Variants in DUSP7 observed in about 807,000 individuals in gnomAD.
DUSP7 encodes dual specificity protein phosphatase 7.
Under a neutral mutation model 29.8 loss-of-function variants are expected in DUSP7, and 7 were observed. The observed-to-expected ratio is 0.24, with a 90% CI of 0.13 to 0.44. The LOEUF (loss-of-function observed/expected upper bound fraction) is 0.44. DUSP7 is among the 20% of genes least tolerant of loss of function. DUSP7 has a pLI of 1.00. For missense variants in DUSP7, 400 were observed against 583.7 expected, an observed-to-expected ratio of 0.69 and a Z score of 3.24; for synonymous variants, 287 against 275.4, an observed-to-expected ratio of 1.04 and a Z score of -0.42.
Position 52,051,249 on chromosome 3 carries a change from AC to A in DUSP7, c.953-128del. 1 of 1,111,052 alleles carries A rather than the reference AC, an allele frequency of 9.0e-7. No individual in the cohort carries two copies. Among genetic ancestry groups the A allele is most frequent in the Non-Finnish European group, 1.3e-6 (1 of 795,170 alleles). 68.8% of individuals were successfully genotyped at this position (1,111,052 alleles called of 1,614,324 possible). ...GCTGGTCTTGCCCGACCCCTGAGGGACCTGGCCAAGCCCAGTGTGGGTAGGG... is the reference window on the plus strand; with the variant it reads ...GCTGGTCTTGCCCGACCCCTGAGGGACTGGCCAAGCCCAGTGTGGGTAGGG... On this transcript the variant is annotated intron_variant, in intron 2 of 2. Coordinates refer to ENST00000495880, the MANE Select transcript of DUSP7 (RefSeq NM_001947.4). The surrounding 1 kb of genome is among the most constrained non-coding windows in gnomAD (Gnocchi z 4.8).
rs759054781 is a variant in DUSP7, at chr3:52,054,025, G to A, written c.867C>T (p.Gly289=). The A allele has an allele frequency of 5.9e-5, 95 of 1,614,102 alleles. No individual in the cohort carries two copies. Among genetic ancestry groups the A allele is most frequent in the South Asian group, 2.6e-4 (24 of 91,096 alleles). The change falls in exon 2 of 3, where the codon GGC becomes GGT. Residue 289 remains glycine, a synonymous_variant. Coordinates refer to ENST00000495880, the MANE Select transcript of DUSP7 (RefSeq NM_001947.4). The surrounding 1 kb of genome is among the most constrained non-coding windows in gnomAD (Gnocchi z 4.1). ...TGGGGATCTGCTTGTAGGTGAACTC[G>A]CCGCCGTGCTCGAAGGCGTTGGGTA... ...PNLPNAFEHG[G]EFTYKQIPIS...
chr3:52,050,669 C>A lies in DUSP7; in HGVS notation c.*146G>T. ...CCCTGCCCCCAAGGATGGTGAGGGG[C>A]GCTCCGACACCGATCAGCCTGGGCC... On this transcript the variant is annotated 3_prime_UTR_variant, in exon 3 of 3. Transcript: ENST00000495880. The surrounding 1 kb of genome is among the most constrained non-coding windows in gnomAD (Gnocchi z 5.0). 1.1e-6 allele frequency: 1 copy of A among 949,730 alleles called. No individual in the cohort carries two copies. The highest frequency in any genetic ancestry group is 1.5e-6 in the Non-Finnish European group (1 of 655,688). 58.8% of individuals were successfully genotyped at this position (949,730 alleles called of 1,614,324 possible).
Position 52,049,880 on chromosome 3 carries a change from C to T in DUSP7, c.*935G>A, listed in dbSNP as rs1331216319. 5.9e-5 allele frequency: 9 copies of T among 152,248 alleles called. No homozygotes were observed. Among genetic ancestry groups the T allele is most frequent in the Admixed American group, 3.3e-4 (5 of 15,288 alleles). 9.4% of individuals were successfully genotyped at this position (152,248 alleles called of 1,614,324 possible). On this transcript the variant is annotated 3_prime_UTR_variant, in exon 3 of 3. Transcript: ENST00000495880. ...AGGGGCTGACCCCAGAGGGCTAATGCTACTGCCTGGCAGCCCCCTGCGGCC... is the reference window on the plus strand; with the variant it reads ...AGGGGCTGACCCCAGAGGGCTAATGTTACTGCCTGGCAGCCCCCTGCGGCC...
intron 1 of DUSP7, among the ~76,000 whole-genome samples, chr3:52,055,532 G>A (rs1701892826): frequency 6.6e-6 from 1 of 152,188 alleles, no homozygotes; most frequent in African/African-American, 2.4e-5. Context: ...GGGAGGCGGC[G>A]CCTTCCACCT....
rs1352941776 is a variant in DUSP7, at chr3:52,050,810, A to C, written c.*5T>G. On this transcript the variant is annotated 3_prime_UTR_variant, in exon 3 of 3. Coordinates refer to ENST00000495880, the MANE Select transcript of DUSP7 (RefSeq NM_001947.4). This position sits in a 1 kb window ranked among gnomAD's most constrained non-coding sequence, Gnocchi z 5.0. ...CCTGGTGCCATGCCCCCCGTGCACCAGGCCTCACGTGGACTCCAGCGTATT... is the reference window on the plus strand; with the variant it reads ...CCTGGTGCCATGCCCCCCGTGCACCCGGCCTCACGTGGACTCCAGCGTATT... 17 of 1,605,870 alleles carry C rather than the reference A, an allele frequency of 1.1e-5. No homozygotes were observed. The highest frequency in any genetic ancestry group is 1.4e-5 in the Non-Finnish European group (17 of 1,173,454).
In DUSP7 at chr3:52,051,875, G is replaced by A. The variant is rs1212858852; in HGVS notation, c.953-753C>T. Reference sequence around the variant, plus strand: ...ATGGCCACACTATCACTTGTGATGGGGCTTCATAAGTGAGGTGTGCTTAAA... The same window carrying A: ...ATGGCCACACTATCACTTGTGATGGAGCTTCATAAGTGAGGTGTGCTTAAA... On this transcript the variant is annotated intron_variant, in intron 2 of 2. Coordinates refer to ENST00000495880, the MANE Select transcript of DUSP7 (RefSeq NM_001947.4). The surrounding 1 kb of genome is among the most constrained non-coding windows in gnomAD (Gnocchi z 4.8). 6.6e-6 allele frequency: 1 copy of A among 152,228 alleles called. No individual in the cohort carries two copies. The highest frequency in any genetic ancestry group is 2.4e-5 in the African/African-American group (1 of 41,430). 9.4% of individuals were successfully genotyped at this position (152,228 alleles called of 1,614,324 possible).
rs1233330507 is a variant in DUSP7, at chr3:52,056,531, G to A, written c.-165C>T. 6 of 187,898 alleles carry A rather than the reference G, an allele frequency of 3.2e-5. No homozygotes were observed. Among genetic ancestry groups the A allele is most frequent in the South Asian group, 1.8e-4 (1 of 5,610 alleles). 11.6% of individuals were successfully genotyped at this position (187,898 alleles called of 1,614,324 possible). A position where few individuals can be genotyped will look rare whatever the true frequency, so the allele number is the denominator to read the frequency against. On this transcript the variant is annotated 5_prime_UTR_variant, in exon 1 of 3. Coordinates refer to ENST00000495880, the MANE Select transcript of DUSP7 (RefSeq NM_001947.4). This position sits in a 1 kb window ranked among gnomAD's most constrained non-coding sequence, Gnocchi z 6.4. ...CGGCCTCCGTCCCGCCCGCCCGCCC[G>A]GCCCTCCGCGCGCACCGCGGCCTGA...
rs1315882756 is a variant in DUSP7, at chr3:52,054,711, G to A, written c.518-337C>T. ...CTAATTCCTCTTCTGCAGCTCCCAC[G>A]CACACCTAGCACCCATGGGTGTTCA... On this transcript the variant is annotated intron_variant, in intron 1 of 2. Transcript: ENST00000495880. This position sits in a 1 kb window ranked among gnomAD's most constrained non-coding sequence, Gnocchi z 4.1. Among the ~76,000 whole-genome samples, 2 of 152,138 alleles carry A rather than the reference G, an allele frequency of 1.3e-5. No individual in the cohort carries two copies. The highest frequency in any genetic ancestry group is 1.9e-4 in the East Asian group (1 of 5,198).
Position 52,054,043 on chromosome 3 carries a change from G to A in DUSP7, c.849C>T (p.Asn283=), listed in dbSNP as rs538133877. 120 of 1,614,108 alleles carry A rather than the reference G, an allele frequency of 7.4e-5. No individual in the cohort carries two copies. Among genetic ancestry groups the A allele is most frequent in the Middle Eastern group, 3.3e-4 (2 of 6,084 alleles). The part of the protein sequence containing the change: ...YILNVTPNLP[N]AFEHGGEFTY... ...TGAACTCGCCGCCGTGCTCGAAGGC[G>A]TTGGGTAGGTTGGGTGTGACATTGA... Residue 283 remains asparagine, a synonymous_variant, in exon 2 of 3, where the codon AAC becomes AAT. Transcript: ENST00000495880. This position sits in a 1 kb window ranked among gnomAD's most constrained non-coding sequence, Gnocchi z 4.1.
At position 52,050,858 on chromosome 3, in the gene DUSP7, G is replaced by T; in HGVS notation, c.1217C>A (p.Thr406Asn). ...ATTGAGTGGGAACAGGTTGTGGTTG[G>T]TGGGCGTGGAAAAGTAGAGCTGCTC... ...SSEQLYFSTP[T>N]NHNLFPLNTL... The change falls in exon 3 of 3, where the codon ACC becomes AAC. Residue 406 changes from threonine to asparagine, a missense_variant. By Grantham distance (65) the Thr-to-Asn change is moderately conservative. This residue lies in a region of DUSP7 where 75 missense variants were observed against 95.0 expected (regional missense o/e 0.79). Coordinates refer to ENST00000495880, the MANE Select transcript of DUSP7 (RefSeq NM_001947.4). The surrounding 1 kb of genome is among the most constrained non-coding windows in gnomAD (Gnocchi z 5.0). The T allele has an allele frequency of 6.2e-7, 1 of 1,614,110 alleles. No homozygotes were observed. Among genetic ancestry groups the T allele is most frequent in the East Asian group, 2.2e-5 (1 of 44,890 alleles).
In DUSP7 at chr3:52,056,394, G is replaced by GCCGGGT; in HGVS notation, c.-29_-28insACCCGG. 1.9e-6 allele frequency: 2 copies of GCCGGGT among 1,030,734 alleles called. No homozygotes were observed. The highest frequency in any genetic ancestry group is 2.3e-6 in the Non-Finnish European group (2 of 859,876). The allele number at this position is 1,030,734 out of a possible 1,614,324, so 63.8% of individuals were successfully genotyped here. A position where few individuals can be genotyped will look rare whatever the true frequency, so the allele number is the denominator to read the frequency against. On this transcript the variant is annotated 5_prime_UTR_variant, in exon 1 of 3. Transcript: ENST00000495880. This position sits in a 1 kb window ranked among gnomAD's most constrained non-coding sequence, Gnocchi z 6.4. ...GGAGCGCGGGCGGCCCGGGGCCGGG[G>GCCGGGT]CCGGGCAGCCCTGCCCTGGGACGGC...
rs1190217415 is a variant in DUSP7, at chr3:52,051,407, A to C, written c.953-285T>G. Among the ~76,000 whole-genome samples, 2 of 152,210 alleles carry C rather than the reference A, an allele frequency of 1.3e-5. No individual in the cohort carries two copies. ...CCTATTTATGCACAGTGGTCTCATA[A>C]GGACCTGAGCCAAGTGAGGGGTCAA... On this transcript the variant is annotated intron_variant, in intron 2 of 2. Transcript: ENST00000495880. The surrounding 1 kb of genome is among the most constrained non-coding windows in gnomAD (Gnocchi z 4.8).
At chr3:52,055,823 C>G in intron 1 of DUSP7, 27 bp downstream of exon 1, 1 of 1,504,618 alleles carries the variant, frequency 6.6e-7, no homozygotes, top group Non-Finnish European at 8.8e-7. Context: ...GCCCCGATCC[C>G]GTAAGGCGTC....
In DUSP7 at chr3:52,054,787, C is replaced by T. The variant is rs1417920576; in HGVS notation, c.518-413G>A. Among the ~76,000 whole-genome samples, 1 of 152,232 alleles carries T rather than the reference C, an allele frequency of 6.6e-6. No homozygotes were observed. The stretch of plus-strand genomic sequence containing the variant: ...CAGACAACCCCATCTTAGCCAGCAC[C>T]TCTGGGTTGGCAAACTCCTCTTATA... On this transcript the variant is annotated intron_variant, in intron 1 of 2. Coordinates refer to ENST00000495880, the MANE Select transcript of DUSP7 (RefSeq NM_001947.4). The surrounding 1 kb of genome is among the most constrained non-coding windows in gnomAD (Gnocchi z 4.1).
chr3:52,052,715 A>C (rs1701858501), intron 2 of DUSP7: 1 of 152,318 alleles, frequency 6.6e-6, no homozygotes, highest in Non-Finnish European at 1.5e-5. Flanking sequence ...CAAATGAGGA[A>C]AAAGGTCCCC....
chr3:52,053,987 C>T lies in DUSP7; in HGVS notation c.905G>A (p.Trp302Ter). ...GAAGAACTGGGAGAGGTTCTGGCTC[C>T]AGTGGTCAGAGATGGGGATCTGCTT... Reference protein sequence around the residue: ...TYKQIPISDHWSQNLSQFFPE... With the variant: ...TYKQIPISDH The change falls in exon 2 of 3, where the codon TGG becomes TAG. Residue 302 changes from tryptophan to a stop codon, truncating the protein, a stop_gained. Transcript: ENST00000495880. LOFTEE classifies it high-confidence loss of function. The surrounding 1 kb of genome is among the most constrained non-coding windows in gnomAD (Gnocchi z 4.6). 2 of 1,614,172 alleles carry T rather than the reference C, an allele frequency of 1.2e-6. No individual in the cohort carries two copies. The highest frequency in any genetic ancestry group is 1.7e-6 in the Non-Finnish European group (2 of 1,180,020).
chr3:52,052,836 C>G (rs1334926096), intron 2 of DUSP7: 1 of 152,350 alleles, frequency 6.6e-6, no homozygotes, highest in African/African-American at 2.4e-5. Flanking sequence ...TGGGGGAGTT[C>G]AAATGCTGAG....
At position 52,053,752 on chromosome 3, in the gene DUSP7, G is replaced by C. The variant is rs967691093; in HGVS notation, c.952+188C>G. On this transcript the variant is annotated intron_variant, in intron 2 of 2. Coordinates refer to ENST00000495880, the MANE Select transcript of DUSP7 (RefSeq NM_001947.4). The surrounding 1 kb of genome is among the most constrained non-coding windows in gnomAD (Gnocchi z 4.6). ...CAGGAGACTGCTCAGGCCCCAACAG[G>C]TAGAGGGGCCCAAGGGACTCGGTGA... The C allele has an allele frequency of 3.1e-6, 2 of 638,542 alleles. No individual in the cohort carries two copies. The highest frequency in any genetic ancestry group is 5.4e-6 in the Non-Finnish European group (2 of 368,374). The allele number at this position is 638,542 out of a possible 1,614,324, so 39.6% of individuals were successfully genotyped here. A position where few individuals can be genotyped will look rare whatever the true frequency, so the allele number is the denominator to read the frequency against.
chr3:52,051,785 C>T lies in DUSP7; in HGVS notation c.953-663G>A, dbSNP rs565611983. The T allele has an allele frequency of 2.0e-5, 3 of 152,578 alleles. 1 individual carries two copies. The Middle Eastern group carries it at 0.01, about 519-fold the overall frequency. The allele number at this position is 152,578 out of a possible 1,614,324, so 9.5% of individuals were successfully genotyped here. A position where few individuals can be genotyped will look rare whatever the true frequency, so the allele number is the denominator to read the frequency against. ...AGGTGGCCTGGCCCTGCATTTCGCTCTGCCATCTGCCCAGCTAGTCCCCAA... is the reference window on the plus strand; with the variant it reads ...AGGTGGCCTGGCCCTGCATTTCGCTTTGCCATCTGCCCAGCTAGTCCCCAA... On this transcript the variant is annotated intron_variant, in intron 2 of 2. Transcript: ENST00000495880. This position sits in a 1 kb window ranked among gnomAD's most constrained non-coding sequence, Gnocchi z 4.8.
Sources: gnomAD v4.1 joint callset for allele counts (sites outside exome capture counted in the v4.1 genomes callset) on GRCh38, gnomAD v4.1.1 for gene constraint, gnomAD v4.1.1 regional missense constraint, Gnocchi (gnomAD v3.1) non-coding constraint, MANE v1.5 for transcripts, NCBI Gene and HGNC (gene_info 2026-07-23, HGNC 2026-07-21) for gene names.